Variants in LOC400499 observed in about 807,000 individuals in gnomAD.
chr16:11,462,176 C>T, the LOC400499 span: 1 of 1,534,146 alleles, frequency 6.5e-7, no homozygotes, highest in Non-Finnish European at 8.7e-7. Flanking sequence ...GGCCAGCTTG[C>T]TGCCCACCTG....
At chr16:11,494,209 C>T in the LOC400499 span, among the ~76,000 whole-genome samples, 2 of 144,396 alleles carry the variant, frequency 1.4e-5, no homozygotes, top group Admixed American at 1.4e-4. Context: ...CTGTGAAGGG[C>T]ATTTACCCAC....
chr16:11,520,749 A>G, the LOC400499 span, among the ~76,000 whole-genome samples: 2 of 148,940 alleles, frequency 1.3e-5, no homozygotes, highest in Non-Finnish European at 3.0e-5. Flanking sequence ...TGGGGGTTAT[A>G]TTTTGTTTCT....
At chr16:11,502,772 G>A in the LOC400499 span, among the ~76,000 whole-genome samples, 55 of 151,726 alleles carry the variant, frequency 3.6e-4, no homozygotes, top group African/African-American at 1.3e-3. Flanking sequence ...CTGTGACCAC[G>A]TCTGGCTTAT....
the LOC400499 span, among the ~76,000 whole-genome samples, chr16:11,413,957 C>T: frequency 6.6e-6 from 1 of 152,162 alleles, no homozygotes; most frequent in African/African-American, 2.4e-5. Context: ...AAGGACGGTG[C>T]CATCCTGCCT....
chr16:11,379,527 G>A, the LOC400499 span, among the ~76,000 whole-genome samples: 1 of 152,140 alleles, frequency 6.6e-6, no homozygotes, highest in Non-Finnish European at 1.5e-5. Context: ...TCAGTCTTCT[G>A]ATGGTGGAAT....
chr16:11,464,860 A>G, the LOC400499 span, among the ~76,000 whole-genome samples: 1 of 152,216 alleles, frequency 6.6e-6, no homozygotes, highest in East Asian at 1.9e-4. Flanking sequence ...CACATTTAGC[A>G]AACAACTAGA....
At chr16:11,405,002 CAG>C in the LOC400499 span, 28 of 396,394 alleles carry the variant, frequency 7.1e-5, no homozygotes, top group African/African-American at 5.1e-4. Context: ...TGACATATGT[CAG>C]GGGATCAAAA....
chr16:11,461,399 T>C, the LOC400499 span, among the ~76,000 whole-genome samples: 1 of 152,144 alleles, frequency 6.6e-6, no homozygotes. Flanking sequence ...TTTGTATTTT[T>C]TGTAGAAGCA....
At chr16:11,415,507 G>C in the LOC400499 span, among the ~76,000 whole-genome samples, 52 of 152,328 alleles carry the variant, frequency 3.4e-4, no homozygotes, top group Admixed American at 6.5e-4. Flanking sequence ...ACACACGGGA[G>C]AGGACCACTT....
At chr16:11,505,612 C>A in the LOC400499 span, among the ~76,000 whole-genome samples, 1 of 151,588 alleles carries the variant, frequency 6.6e-6, no homozygotes, top group South Asian at 2.1e-4. Context: ...TACCACCATG[C>A]TTGGCTTATT....
the LOC400499 span, among the ~76,000 whole-genome samples, chr16:11,418,794 C>A: frequency 6.6e-6 from 1 of 152,188 alleles, no homozygotes; most frequent in East Asian, 1.9e-4. Context: ...TACTATCTGG[C>A]CCTTGATGGA....
chr16:11,456,036 G>C, the LOC400499 span, among the ~76,000 whole-genome samples: 1 of 138,256 alleles, frequency 7.2e-6, no homozygotes, highest in Non-Finnish European at 1.6e-5. Flanking sequence ...AAAAATTCGT[G>C]GATAAAATTT....
the LOC400499 span, among the ~76,000 whole-genome samples, chr16:11,491,395 G>A: frequency 6.6e-6 from 1 of 152,120 alleles, no homozygotes; most frequent in South Asian, 2.1e-4. Flanking sequence ...TCTGGCCAGA[G>A]CTAAAAGAGG....
chr16:11,469,411 CACAG>C, the LOC400499 span: 10 of 398,792 alleles, frequency 2.5e-5, no homozygotes, highest in South Asian at 1.2e-3. Context: ...CTCAGGAGGT[CACAG>C]ACAAACCTAT....
chr16:11,444,947 G>A, the LOC400499 span, among the ~76,000 whole-genome samples: 1 of 152,264 alleles, frequency 6.6e-6, no homozygotes, highest in African/African-American at 2.4e-5. Flanking sequence ...ATAACCAGGT[G>A]TGGTGGTAAT....
At chr16:11,523,129 G>A in the LOC400499 span, among the ~76,000 whole-genome samples, 5 of 152,168 alleles carry the variant, frequency 3.3e-5, no homozygotes, top group African/African-American at 1.2e-4. Context: ...GGCATCACCT[G>A]GCCAAAGACA....
At chr16:11,391,775 ACCACTCGCCTGCATGGCCTCCCGC>A in the LOC400499 span, 2 of 1,232,100 alleles carry the variant, frequency 1.6e-6, no homozygotes, top group African/African-American at 3.1e-5. Context: ...CTACTGCCCA[ACCACTCGCCTGCATGGCCTCCCGC>A]CCCGCCTGGG....
At chr16:11,404,642 T>C in the LOC400499 span, 1 of 398,820 alleles carries the variant, frequency 2.5e-6, no homozygotes, top group Non-Finnish European at 4.4e-6. Context: ...CCACCGCGCC[T>C]GGCCAGGGAT....
chr16:11,415,164 G>C, the LOC400499 span, among the ~76,000 whole-genome samples: 1 of 152,202 alleles, frequency 6.6e-6, no homozygotes, highest in Non-Finnish European at 1.5e-5. Flanking sequence ...TGGCTGGAGG[G>C]TCCCGTCCTT....
Sources: allele counts gnomAD v4.1 joint callset (sites outside exome capture counted in the v4.1 genomes callset), GRCh38; gene constraint gnomAD v4.1.1; transcripts MANE v1.5.